SFSWAP: variants seen among roughly 807,000 people sequenced by gnomAD.
SFSWAP encodes the protein splicing factor SWAP.
SFSWAP carries 17 observed loss-of-function variants against 100.7 expected under a neutral mutation model. The ratio of observed to expected loss-of-function variants is 0.17; its 90% confidence interval spans 0.12 to 0.25. The LOEUF (loss-of-function observed/expected upper bound fraction) is 0.25, where lower values mean the gene tolerates loss of function less well. Among genes scored for constraint, SFSWAP ranks in the 10% least tolerant of loss-of-function variants. The pLI, the probability that SFSWAP is intolerant of heterozygous loss-of-function variation, is 1.00. For synonymous variants in SFSWAP, 504 were observed against 510.1 expected, an observed-to-expected ratio of 0.99 and a Z score of 0.16; for missense variants, 1,005 against 1,262.6, an observed-to-expected ratio of 0.80 and a Z score of 3.09.
At position 131,728,214 on chromosome 12, in the gene SFSWAP, A is replaced by G. The variant is rs557742414; in HGVS notation, c.946-79A>G. On this transcript the variant is annotated intron_variant, in intron 6 of 17. Transcript: ENST00000261674. ...TCTAAGGCATGTACACTGAGTCCTA[A>G]AGGTGAGCCTTTTGCAGCAGAAGAG... The G allele has an allele frequency of 3.1e-5, 47 of 1,540,216 alleles. 1 individual carries two copies. The African/African-American group carries it at 5.4e-4, about 18-fold the overall frequency.
rs375073931 is a variant in SFSWAP at position 131,725,356 on chromosome 12, G to A, written c.607-49G>A. The A allele has an allele frequency of 4.8e-6, 7 of 1,459,858 alleles. No individual in the cohort carries two copies. The highest frequency in any genetic ancestry group is 3.4e-5 in the South Asian group (3 of 87,712). The allele number at this position is 1,459,858 out of a possible 1,614,324, so 90.4% of individuals were successfully genotyped here. A position where few individuals can be genotyped will look rare whatever the true frequency, so the allele number is the denominator to read the frequency against. Reference sequence around the variant, plus strand: ...ATGTTTTAATGAAATCACGTGGCCGGTGGACAAGAGGACAAATGGGTGACG... The same window carrying A: ...ATGTTTTAATGAAATCACGTGGCCGATGGACAAGAGGACAAATGGGTGACG... On this transcript the variant is annotated intron_variant, in intron 4 of 17. Transcript: ENST00000261674. The surrounding 1 kb of genome is among the most constrained non-coding windows in gnomAD (Gnocchi z 4.3).
At chr12:131,786,431 C>T in intron 14 of SFSWAP, 32 bp from the exon 15 acceptor site, 1 of 1,569,040 alleles carries the variant, frequency 6.4e-7, no homozygotes, top group Admixed American at 1.8e-5. Context: ...AGCCAGGCCA[C>T]AGAGCTGAAC....
In SFSWAP at chr12:131,778,347, C is replaced by T; in HGVS notation, c.2408+17C>T. The T allele has an allele frequency of 1.2e-6, 2 of 1,607,716 alleles. No individual in the cohort carries two copies. ...GCGGTCGAGGTGGGTGTGAAGGGGGCAGCACCTCTGGTACCCTCATGACCC... is the reference window on the plus strand; with the variant it reads ...GCGGTCGAGGTGGGTGTGAAGGGGGTAGCACCTCTGGTACCCTCATGACCC... On this transcript the variant is annotated intron_variant, in intron 14 of 17. Transcript: ENST00000261674. This position sits in a 1 kb window ranked among gnomAD's most constrained non-coding sequence, Gnocchi z 4.2.
intron 11 of SFSWAP, among the ~76,000 whole-genome samples, chr12:131,760,696 T>A (rs887221569): frequency 6.6e-6 from 1 of 152,138 alleles, no homozygotes; most frequent in African/African-American, 2.4e-5. Context: ...TATGGGAAAT[T>A]GTGAATTGAC....
chr12:131,716,985 G>C (rs777733578), intron 3 of SFSWAP, among the ~76,000 whole-genome samples: 1 of 151,924 alleles, frequency 6.6e-6, no homozygotes, highest in Non-Finnish European at 1.5e-5. Context: ...TTCTGTAATC[G>C]TGTTCTCAGA....
At chr12:131,724,160 A>G (rs1878743885) in intron 4 of SFSWAP, among the ~76,000 whole-genome samples, 1 of 152,220 alleles carries the variant, frequency 6.6e-6, no homozygotes, top group African/African-American at 2.4e-5. Context: ...TAACCATGGT[A>G]ATAGAAGTAG....
At chr12:131,781,464 C>G (rs552440118) in intron 14 of SFSWAP, among the ~76,000 whole-genome samples, 2 of 151,982 alleles carry the variant, frequency 1.3e-5, no homozygotes, top group Non-Finnish European at 2.9e-5. Flanking sequence ...GTCTCGATCT[C>G]CTGACCTCAT....
At chr12:131,790,233 G>A (rs991847212) in intron 15 of SFSWAP, among the ~76,000 whole-genome samples, 1 of 152,130 alleles carries the variant, frequency 6.6e-6, no homozygotes, top group African/African-American at 2.4e-5. Flanking sequence ...TCTCCAGTTT[G>A]GCCAGTGGCA....
chr12:131,773,550 C>T (rs1883782808), intron 13 of SFSWAP, among the ~76,000 whole-genome samples: 1 of 152,100 alleles, frequency 6.6e-6, no homozygotes, highest in Non-Finnish European at 1.5e-5. Flanking sequence ...TGCTATATTG[C>T]CCAGACTGGT....
intron 5 of SFSWAP, among the ~76,000 whole-genome samples, chr12:131,726,287 G>A (rs1045548400): frequency 1.3e-5 from 2 of 151,970 alleles, no homozygotes; most frequent in East Asian, 1.9e-4. Flanking sequence ...TTGGCTTACT[G>A]CAACCTCCGC....
chr12:131,778,690 G>T lies in SFSWAP; in HGVS notation c.2408+360G>T, dbSNP rs1488629192. Among the ~76,000 whole-genome samples, 1 of 152,032 alleles carries T rather than the reference G, an allele frequency of 6.6e-6. No homozygotes were observed. Among genetic ancestry groups the T allele is most frequent in the Non-Finnish European group, 1.5e-5 (1 of 67,996 alleles). On this transcript the variant is annotated intron_variant, in intron 14 of 17. Transcript: ENST00000261674. This position sits in a 1 kb window ranked among gnomAD's most constrained non-coding sequence, Gnocchi z 4.2. Reference sequence around the variant, plus strand: ...CCACCACCACGCCTGGCTAATTTTTGTATTTTTAGTAGAGACGGGGTTTCA... The same window carrying T: ...CCACCACCACGCCTGGCTAATTTTTTTATTTTTAGTAGAGACGGGGTTTCA...
rs933702608 is a variant in SFSWAP, at chr12:131,786,510, G to A, written c.2456G>A (p.Arg819Gln). Residue 819 changes from arginine to glutamine, a missense_variant, in exon 15 of 18, where the codon CGG becomes CAG. This residue lies in a region of SFSWAP where 295 missense variants were observed against 347.9 expected (regional missense o/e 0.85). Transcript: ENST00000261674. ...PRRRAHSPER[R>Q]REERSVPTAY... ...AGGAGAGCCCACTCCCCTGAGAGAC[G>A]GAGGGAAGAGAGGAGTGTGCCCACT... 5.0e-6 allele frequency: 8 copies of A among 1,586,620 alleles called. No individual in the cohort carries two copies. The East Asian group carries it at 6.9e-5, about 14-fold the overall frequency.
At chr12:131,790,927 ATTC>A (rs1332505736) in intron 15 of SFSWAP, among the ~76,000 whole-genome samples, 6 of 152,258 alleles carry the variant, frequency 3.9e-5, no homozygotes, top group Non-Finnish European at 8.8e-5. Context: ...ATAAAGTAGG[ATTC>A]TAGATGCTTT....
intron 3 of SFSWAP, among the ~76,000 whole-genome samples, chr12:131,718,466 T>C (rs893254720): frequency 6.6e-6 from 1 of 152,238 alleles, no homozygotes; most frequent in Non-Finnish European, 1.5e-5. Context: ...GTTACTGAGA[T>C]GTACTTAGGT....
intron 7 of SFSWAP, among the ~76,000 whole-genome samples, chr12:131,738,019 C>T (rs913158837): frequency 6.6e-6 from 1 of 151,976 alleles, no homozygotes; most frequent in African/African-American, 2.4e-5. Context: ...AGGAGGCAGT[C>T]ATAGTGAAAT....
rs570351066 is a variant in SFSWAP, at chr12:131,733,435, A to G, written c.1081+5007A>G. 3.2e-4 allele frequency among the ~76,000 whole-genome samples: 48 copies of G among 152,292 alleles called. 1 individual carries two copies. The highest frequency in any genetic ancestry group is 1.1e-3 in the African/African-American group (45 of 41,564). ...TTGTAGGAGGAAATTTCACGATCAT[A>G]AAGCACGGCATGCATCCTGAGAGCC... is the stretch of plus-strand genomic sequence containing the variant. On this transcript the variant is annotated intron_variant, in intron 7 of 17. Coordinates refer to ENST00000261674, the MANE Select transcript of SFSWAP (RefSeq NM_004592.4). This position sits in a 1 kb window ranked among gnomAD's most constrained non-coding sequence, Gnocchi z 5.1.
intron 7 of SFSWAP, among the ~76,000 whole-genome samples, chr12:131,740,093 G>A (rs1486558410): frequency 6.6e-6 from 1 of 152,132 alleles, no homozygotes; most frequent in Non-Finnish European, 1.5e-5. Context: ...AGATCTCTGG[G>A]AACTAGAATC....
chr12:131,754,625 G>GTTTT (rs1881981814), intron 9 of SFSWAP, 126 bp downstream of exon 9: 6 of 133,274 alleles, frequency 4.5e-5, no homozygotes, highest in South Asian at 1.7e-4. Context: ...TGGCTCAAAT[G>GTTTT]TCTTTTTTTT....
intron 14 of SFSWAP, chr12:131,785,293 C>G: frequency 1.9e-6 from 2 of 1,063,636 alleles, no homozygotes; most frequent in Non-Finnish European, 2.7e-6. Context: ...GGGAAAAAAT[C>G]AAAACGATTC....
Sources: gnomAD v4.1 joint callset for allele counts (sites outside exome capture counted in the v4.1 genomes callset) on GRCh38, gnomAD v4.1.1 for gene constraint, gnomAD v4.1.1 regional missense constraint, Gnocchi (gnomAD v3.1) non-coding constraint, MANE v1.5 for transcripts, NCBI Gene and HGNC (gene_info 2026-07-23, HGNC 2026-07-21) for gene names.